Variants in ZNF480 observed in about 807,000 individuals in gnomAD.
The protein encoded by ZNF480 is zinc finger protein 480.
Under a neutral mutation model 14.4 loss-of-function variants are expected in ZNF480, and 15 were observed. The ratio of observed to expected loss-of-function variants is 1.04; its 90% CI spans 0.70 to 1.60. The LOEUF (loss-of-function observed/expected upper bound fraction) is 1.60, where lower values mean the gene tolerates loss of function less well. Ranked by LOEUF, ZNF480 falls within the 40% of genes most tolerant of loss-of-function variation. The pLI, the probability that ZNF480 is intolerant of heterozygous loss-of-function variation, is 0.00. For synonymous variants in ZNF480, 218 were observed against 215.5 expected, an observed-to-expected ratio of 1.01 and a Z score of -0.10; for missense variants, 593 against 629.7, an observed-to-expected ratio of 0.94 and a Z score of 0.62.
At chr19:52,321,524 TCTAAACATGCC>T in intron 4 of ZNF480, 44 bp from the exon 5 acceptor site, 1 of 1,459,846 alleles carries the variant, frequency 6.9e-7, no homozygotes, top group Middle Eastern at 1.8e-4. Context: ...TTCATCAGAC[TCTAAACATGCC>T]AGAATTATGG....
chr19:52,307,230 A>T (rs1982979684), intron 2 of ZNF480, among the ~76,000 whole-genome samples: 1 of 152,204 alleles, frequency 6.6e-6, no homozygotes, highest in Non-Finnish European at 1.5e-5. Flanking sequence ...TACCAGGGGC[A>T]ATATTTCTCT....
intron 1 of ZNF480, among the ~76,000 whole-genome samples, chr19:52,299,209 G>A (rs1982565880): frequency 1.3e-5 from 2 of 152,112 alleles, no homozygotes; most frequent in African/African-American, 2.4e-5. Flanking sequence ...AAAGATAGCA[G>A]GAAAACCAAA....
chr19:52,310,766 C>T (rs1053444489), intron 2 of ZNF480, among the ~76,000 whole-genome samples: 6 of 151,078 alleles, frequency 4.0e-5, no homozygotes, highest in Admixed American at 6.6e-5. Context: ...TTTGGGAGGC[C>T]GAGGCGGGTG....
intron 1 of ZNF480, among the ~76,000 whole-genome samples, chr19:52,299,328 G>A (rs1325047907): frequency 2.0e-5 from 3 of 152,116 alleles, no homozygotes; most frequent in Non-Finnish European, 4.4e-5. Context: ...CAAGCAATTC[G>A]TCAGACACCG....
chr19:52,312,594 C>T (rs972294323), intron 2 of ZNF480, among the ~76,000 whole-genome samples: 7 of 152,128 alleles, frequency 4.6e-5, no homozygotes, highest in African/African-American at 1.2e-4. Context: ...AATGCCCGGA[C>T]GCCTGGGATC....
At chr19:52,311,746 A>G (rs1401876698) in intron 2 of ZNF480, among the ~76,000 whole-genome samples, 1 of 152,124 alleles carries the variant, frequency 6.6e-6, no homozygotes, top group Non-Finnish European at 1.5e-5. Context: ...GTTCAAGGCC[A>G]TAGTACACTG....
At chr19:52,304,276 A>G (rs1982826478) in intron 2 of ZNF480, among the ~76,000 whole-genome samples, 1 of 152,220 alleles carries the variant, frequency 6.6e-6, no homozygotes, top group Non-Finnish European at 1.5e-5. Context: ...ATGACTATTA[A>G]AGGCCAATTT....
chr19:52,316,008 CTT>C (rs568704933), intron 4 of ZNF480, 46 bp downstream of exon 4: 1 of 1,469,410 alleles, frequency 6.8e-7, no homozygotes, highest in Non-Finnish European at 9.1e-7. Flanking sequence ...GTTGTTTGGG[CTT>C]TTTTTTTGTT....
At chr19:52,304,069 A>T (rs1288737124) in intron 2 of ZNF480, among the ~76,000 whole-genome samples, 2 of 152,186 alleles carry the variant, frequency 1.3e-5, no homozygotes, top group Non-Finnish European at 2.9e-5. Flanking sequence ...AACACTGAAA[A>T]TTTTTTATGA....
rs1983881342 is a variant in ZNF480, at chr19:52,322,447, C to T, written c.1197C>T (p.Tyr399=). The T allele has an allele frequency of 1.9e-6, 3 of 1,613,842 alleles. No individual in the cohort carries two copies. Among genetic ancestry groups the T allele is most frequent in the Admixed American group, 1.7e-5 (1 of 59,984 alleles). ...HWRIHTGEKP[Y]KCNECGKVFN... ...GAATTCATACAGGAGAGAAACCTTA[C>T]AAATGTAATGAATGTGGAAAAGTAT... is the stretch of plus-strand genomic sequence containing the variant. Residue 399 remains tyrosine, a synonymous_variant, in exon 5 of 5, where the codon TAC becomes TAT. Coordinates refer to ENST00000595962, the MANE Select transcript of ZNF480 (RefSeq NM_144684.4).
At chr19:52,314,637 C>G (rs182567027) in intron 3 of ZNF480, among the ~76,000 whole-genome samples, 147 of 151,952 alleles carry the variant, frequency 9.7e-4, no homozygotes, top group Non-Finnish European at 1.7e-3. Context: ...AACCCCATCT[C>G]TACTAAAAAT....
rs756234967 is a variant in ZNF480, at chr19:52,321,844, T to G, written c.594T>G (p.Leu198=). ...SFLPQEQKVH[L]REKPYECNEH... ...TCCCACAAGAACAGAAAGTACACCTTAGAGAAAAACCTTATGAATGTAATG... is the reference window on the plus strand; with the variant it reads ...TCCCACAAGAACAGAAAGTACACCTGAGAGAAAAACCTTATGAATGTAATG... The change falls in exon 5 of 5, where the codon CTT becomes CTG. Residue 198 remains leucine (L), a synonymous_variant. Coordinates refer to ENST00000595962, the MANE Select transcript of ZNF480 (RefSeq NM_144684.4). 6.8e-6 allele frequency: 11 copies of G among 1,614,112 alleles called. No individual in the cohort carries two copies. The South Asian group carries it at 1.1e-4, about 16-fold the overall frequency.
Position 52,322,627 on chromosome 19 carries a change from A to G in ZNF480, c.1377A>G (p.Glu459=), listed in dbSNP as rs928923748. ...HTGEKPYKCS[E]CGKAFRHKLS... is the part of the protein sequence containing the mutation. ...GAGAGAAGCCTTACAAATGTAGTGA[A>G]TGTGGCAAGGCATTCAGACACAAGT... Residue 459 remains glutamate, a synonymous_variant, in exon 5 of 5, where the codon GAA becomes GAG. Transcript: ENST00000595962. 6.2e-7 allele frequency: 1 copy of G among 1,614,090 alleles called. No individual in the cohort carries two copies.
chr19:52,311,917 G>T (rs939104465), intron 2 of ZNF480, among the ~76,000 whole-genome samples: 6 of 152,142 alleles, frequency 3.9e-5, no homozygotes, highest in Admixed American at 3.9e-4. Context: ...TAGTGTATAT[G>T]GGTCTAAGTG....
At position 52,297,207 on chromosome 19, in the gene ZNF480, A is replaced by T. The variant is rs1464225243; in HGVS notation, c.-36A>T. ...CCCGGAAGCGGATCGCGTGGAGTGA[A>T]GGTCACGCCGCGGCGCGTGAGTTTC... On this transcript the variant is annotated 5_prime_UTR_variant, in exon 1 of 5. In the 5' UTR this introduces an upstream ATG that the reference lacks. Coordinates refer to ENST00000595962, the MANE Select transcript of ZNF480 (RefSeq NM_144684.4). The T allele has an allele frequency of 1.1e-5, 5 of 442,752 alleles. No individual in the cohort carries two copies. The highest frequency in any genetic ancestry group is 2.3e-5 in the Non-Finnish European group (5 of 221,558). The allele number at this position is 442,752 out of a possible 1,614,324, so 27.4% of individuals were successfully genotyped here. A position where few individuals can be genotyped will look rare whatever the true frequency, so the allele number is the denominator to read the frequency against.
Position 52,315,699 on chromosome 19 carries a change from A to G in ZNF480, c.200-135A>G, listed in dbSNP as rs756645008. 153 of 1,018,932 alleles carry G rather than the reference A, an allele frequency of 1.5e-4. 1 individual carries two copies. The highest frequency in any genetic ancestry group is 1.8e-4 in the Non-Finnish European group (131 of 710,528). The allele number at this position is 1,018,932 out of a possible 1,614,324, so 63.1% of individuals were successfully genotyped here. On this transcript the variant is annotated intron_variant, in intron 3 of 4. Coordinates refer to ENST00000595962, the MANE Select transcript of ZNF480 (RefSeq NM_144684.4). ...ATGTTATAATATTCCCTAAGCATTC[A>G]GAAGGAGGCAGTCTATGGATGAATT...
intron 2 of ZNF480, chr19:52,300,758 C>A: frequency 2.0e-6 from 1 of 504,232 alleles, no homozygotes. Context: ...GGGTTTGACC[C>A]ACATATTTAT....
rs1983922070 is a variant in ZNF480 at position 52,323,033 on chromosome 19, TTATAA to T, written c.*178_*182del. The T allele has an allele frequency of 4.0e-6, 2 of 495,984 alleles. No individual in the cohort carries two copies. Among genetic ancestry groups the T allele is most frequent in the South Asian group, 1.2e-4 (2 of 17,388 alleles). 30.7% of individuals were successfully genotyped at this position (495,984 alleles called of 1,614,324 possible). On this transcript the variant is annotated 3_prime_UTR_variant, in exon 5 of 5. Coordinates refer to ENST00000595962, the MANE Select transcript of ZNF480 (RefSeq NM_144684.4). ...AATTTATACTGGAGAGACTTCACAA[TTATAA>T]TAAATGTGTGGAAAAGTCTTCAAAA...
At chr19:52,315,712 C>G in intron 3 of ZNF480, 122 bp from the exon 4 acceptor site, 1 of 1,188,154 alleles carries the variant, frequency 8.4e-7, no homozygotes, top group Non-Finnish European at 1.2e-6. Flanking sequence ...AGGAGGCAGT[C>G]TATGGATGAA....
Sources: allele counts gnomAD v4.1 joint callset (sites outside exome capture counted in the v4.1 genomes callset), GRCh38; gene constraint gnomAD v4.1.1; transcripts MANE v1.5; gene names NCBI Gene and HGNC (gene_info 2026-07-23, HGNC 2026-07-21).